SMCO4: variants seen among roughly 807,000 people sequenced by gnomAD.
SMCO4 encodes the protein single-pass membrane protein with coiled-coil domains 4.
A neutral mutation model predicts 3.6 loss-of-function variants in SMCO4; 4 were observed. That is an observed-to-expected ratio of 1.11 (90% CI 0.54 to 2.53). The LOEUF (loss-of-function observed/expected upper bound fraction) is 2.53, where lower values mean the gene tolerates loss of function less well. SMCO4 is among the 30% of genes most tolerant of loss of function. SMCO4 has a pLI of 0.02. For missense variants in SMCO4, 70 were observed against 80.8 expected (o/e 0.87, Z 0.51); for synonymous variants, 36 against 35.3 (o/e 1.02, Z -0.07).
chr11:93,528,573 A>C (rs1004020932), intron 1 of SMCO4, among the ~76,000 whole-genome samples: 2 of 152,162 alleles, frequency 1.3e-5, no homozygotes, highest in Non-Finnish European at 2.9e-5. Context: ...GCTGGCTGGG[A>C]TAAAAAGTTC....
At chr11:93,542,288 C>G (rs1949277287) in intron 1 of SMCO4, among the ~76,000 whole-genome samples, 1 of 152,210 alleles carries the variant, frequency 6.6e-6, no homozygotes, top group Non-Finnish European at 1.5e-5. Flanking sequence ...AGCAGATGCG[C>G]TGTTGGGCTC....
chr11:93,494,636 A>G (rs1948754501), intron 2 of SMCO4, among the ~76,000 whole-genome samples: 1 of 152,346 alleles, frequency 6.6e-6, no homozygotes, highest in South Asian at 2.1e-4. Flanking sequence ...ATCACATGTC[A>G]GTCACTTAGC....
chr11:93,541,200 G>A (rs1591332985), intron 1 of SMCO4, among the ~76,000 whole-genome samples: 1 of 152,224 alleles, frequency 6.6e-6, no homozygotes, highest in Non-Finnish European at 1.5e-5. Context: ...CACCCAAAAT[G>A]TCAAGGCCAG....
chr11:93,488,256 G>A (rs1948673450), intron 2 of SMCO4, among the ~76,000 whole-genome samples: 2 of 152,208 alleles, frequency 1.3e-5, no homozygotes, highest in Admixed American at 1.3e-4. Flanking sequence ...TGAGAAGCAC[G>A]CAGGGGCCAG....
the SMCO4 span, among the ~76,000 whole-genome samples, chr11:93,551,959 A>G: frequency 0.13 from 20,479 of 152,096 alleles, 1,861 homozygotes; most frequent in African/African-American, 0.25. Context: ...CACAATTCCT[A>G]GGTTCTGAGA....
At chr11:93,539,847 A>T (rs1949257153) in intron 1 of SMCO4, among the ~76,000 whole-genome samples, 1 of 152,084 alleles carries the variant, frequency 6.6e-6, no homozygotes, top group Non-Finnish European at 1.5e-5. Flanking sequence ...TTTGACCGTC[A>T]GCCAGCCCAC....
intron 1 of SMCO4, chr11:93,535,723 C>G: frequency 1.2e-6 from 2 of 1,613,776 alleles, no homozygotes; most frequent in Non-Finnish European, 1.7e-6. Context: ...TTATTCAAAC[C>G]TCCTGAGAGC....
At chr11:93,537,848 G>A (rs1020405591) in intron 1 of SMCO4, 2 of 151,930 alleles carry the variant, frequency 1.3e-5, no homozygotes, top group African/African-American at 4.8e-5. Flanking sequence ...TGACTCACCG[G>A]CAGAGACAGC....
chr11:93,486,001 A>G (rs1375121862), intron 2 of SMCO4, among the ~76,000 whole-genome samples: 2 of 152,094 alleles, frequency 1.3e-5, no homozygotes, highest in Non-Finnish European at 2.9e-5. Context: ...TGAATGACCA[A>G]CTGAATGAGG....
At chr11:93,525,767 C>T (rs889409002) in intron 1 of SMCO4, among the ~76,000 whole-genome samples, 1 of 152,170 alleles carries the variant, frequency 6.6e-6, no homozygotes, top group Non-Finnish European at 1.5e-5. Flanking sequence ...ACTTAGTCTT[C>T]GAGTACCATT....
At chr11:93,513,196 C>G (rs1948974772) in intron 1 of SMCO4, among the ~76,000 whole-genome samples, 1 of 152,136 alleles carries the variant, frequency 6.6e-6, no homozygotes, top group Non-Finnish European at 1.5e-5. Flanking sequence ...TTTCAGTTCC[C>G]TCTTTTGTAA....
At chr11:93,481,009 G>A (rs1367505865) in intron 2 of SMCO4, among the ~76,000 whole-genome samples, 1 of 151,230 alleles carries the variant, frequency 6.6e-6, no homozygotes. Flanking sequence ...TTGGGCAAAT[G>A]TATAATTTCC....
At chr11:93,515,542 T>C (rs1409959955) in intron 1 of SMCO4, among the ~76,000 whole-genome samples, 1 of 152,162 alleles carries the variant, frequency 6.6e-6, no homozygotes, top group Non-Finnish European at 1.5e-5. Flanking sequence ...ACAAAACACC[T>C]TGGCAAAAGA....
intron 1 of SMCO4, among the ~76,000 whole-genome samples, chr11:93,532,798 A>C (rs1266871938): frequency 2.0e-5 from 3 of 151,936 alleles, no homozygotes; most frequent in Non-Finnish European, 4.4e-5. Flanking sequence ...GGGAAAACAT[A>C]CTCCTGCTGT....
chr11:93,531,626 T>C (rs1336707154), intron 1 of SMCO4, among the ~76,000 whole-genome samples: 2 of 152,238 alleles, frequency 1.3e-5, no homozygotes, highest in African/African-American at 4.8e-5. Context: ...TGCATAGTAA[T>C]GTGCAGACAG....
intron 1 of SMCO4, among the ~76,000 whole-genome samples, chr11:93,542,074 G>C (rs1449060431): frequency 6.6e-6 from 1 of 151,116 alleles, no homozygotes; most frequent in Non-Finnish European, 1.5e-5. Flanking sequence ...AAATGACCAG[G>C]CATACTGGTG....
At chr11:93,540,699 C>T (rs1591332749) in intron 1 of SMCO4, among the ~76,000 whole-genome samples, 1 of 152,288 alleles carries the variant, frequency 6.6e-6, no homozygotes, top group East Asian at 1.9e-4. Flanking sequence ...ATGATGCTCA[C>T]TCCTACCTCA....
intron 2 of SMCO4, among the ~76,000 whole-genome samples, chr11:93,494,252 G>T (rs532250219): frequency 6.6e-6 from 1 of 152,318 alleles, no homozygotes; most frequent in South Asian, 2.1e-4. Flanking sequence ...AAGGGATATA[G>T]ACGATGCATC....
At chr11:93,500,044 G>A (rs1948819344) in intron 1 of SMCO4, among the ~76,000 whole-genome samples, 1 of 152,186 alleles carries the variant, frequency 6.6e-6, no homozygotes, top group African/African-American at 2.4e-5. Context: ...GTAAAAAGGT[G>A]GGAGACTCCA....
Sources: allele counts gnomAD v4.1 joint callset (sites outside exome capture counted in the v4.1 genomes callset), GRCh38; gene constraint gnomAD v4.1.1; transcripts MANE v1.5; gene names NCBI Gene and HGNC (gene_info 2026-07-23, HGNC 2026-07-21).